The following SEMA3A variants were observed in gnomAD, a reference collection of about 807,000 sequenced individuals.
SEMA3A encodes semaphorin 3A.
A neutral mutation model predicts 97.9 loss-of-function variants in SEMA3A; 29 were observed. That is an observed-to-expected ratio of 0.30 (90% confidence interval 0.22 to 0.40). SEMA3A has a LOEUF of 0.40. Among genes scored for constraint, SEMA3A ranks in the 10% least tolerant of loss-of-function variants. SEMA3A has a pLI of 1.00. For missense variants in SEMA3A, 763 were observed against 951.3 expected, an observed-to-expected ratio of 0.80 and a Z score of 2.60; for synonymous variants, 321 against 323.7, an observed-to-expected ratio of 0.99 and a Z score of 0.09.
rs541239076 is a variant in SEMA3A, at chr7:84,239,910, T to C, written c.-82-45242A>G. On this transcript the variant is annotated intron_variant, in intron 3 of 3. Transcript: ENST00000424555. ...GTCCCAAATAAATATTAAGTTGTGATGCAGTATGGTAGATTAATATTTTCT... is the reference window on the plus strand; with the variant it reads ...GTCCCAAATAAATATTAAGTTGTGACGCAGTATGGTAGATTAATATTTTCT... 1.2e-4 allele frequency among the ~76,000 whole-genome samples: 19 copies of C among 152,258 alleles called. No homozygotes were observed. The South Asian group carries it at 3.7e-3, about 30-fold the overall frequency.
At chr7:84,185,536 A>G (rs1045007929) in intron 1 of SEMA3A, among the ~76,000 whole-genome samples, 1 of 147,596 alleles carries the variant, frequency 6.8e-6, no homozygotes, top group Non-Finnish European at 1.5e-5. Flanking sequence ...TAAAAAAAAT[A>G]AAAAATTAGC....
intron 11 of SEMA3A, 73 bp from the exon 12 acceptor site, chr7:84,002,119 A>G: frequency 1.2e-6 from 1 of 850,084 alleles, no homozygotes; most frequent in South Asian, 1.6e-5. Flanking sequence ...TGAATGAAAT[A>G]TGTATTTGTC....
At chr7:84,215,433 C>G (rs910311950) in intron 3 of SEMA3A, among the ~76,000 whole-genome samples, 11 of 14,428 alleles carry the variant, frequency 7.6e-4, no homozygotes, top group African/African-American at 2.0e-3. Flanking sequence ...GATGATCCGC[C>G]CCCCCCTTGG....
At chr7:84,311,445 T>A (rs1486564984) in intron 2 of SEMA3A, among the ~76,000 whole-genome samples, 3 of 151,962 alleles carry the variant, frequency 2.0e-5, no homozygotes, top group Non-Finnish European at 1.5e-5. Context: ...TAGTATGTGA[T>A]GAGTATAATG....
At chr7:84,468,482 C>CT (rs973966646) in intron 1 of SEMA3A, among the ~76,000 whole-genome samples, 5 of 151,986 alleles carry the variant, frequency 3.3e-5, no homozygotes, top group East Asian at 1.9e-4. Flanking sequence ...AAGTTTTGAT[C>CT]TTTTTTTTAA....
intron 2 of SEMA3A, among the ~76,000 whole-genome samples, chr7:84,313,305 T>A (rs1801392762): frequency 7.2e-6 from 1 of 139,662 alleles, no homozygotes; most frequent in Non-Finnish European, 1.5e-5. Flanking sequence ...TATATATATG[T>A]ATTATATACG....
intron 4 of SEMA3A, among the ~76,000 whole-genome samples, chr7:84,069,679 T>G (rs1356241582): frequency 6.6e-6 from 1 of 152,072 alleles, no homozygotes; most frequent in African/African-American, 2.4e-5. Context: ...AAAAGGAATA[T>G]AACTGCCGAT....
At chr7:84,067,087 G>C (rs1166367493) in intron 4 of SEMA3A, among the ~76,000 whole-genome samples, 1 of 152,126 alleles carries the variant, frequency 6.6e-6, no homozygotes, top group Non-Finnish European at 1.5e-5. Flanking sequence ...TAGATCAACG[G>C]AAGAGAACAG....
In SEMA3A at chr7:84,254,747, A is replaced by C. The variant is rs372005614; in HGVS notation, c.-83+52460T>G. Among the ~76,000 whole-genome samples the C allele has an allele frequency of 5.9e-5, 9 of 152,306 alleles. 1 individual carries two copies. Among genetic ancestry groups the C allele is most frequent in the Admixed American group, 1.3e-4 (2 of 15,294 alleles). On this transcript the variant is annotated intron_variant, in intron 3 of 3. Transcript: ENST00000424555. The stretch of plus-strand genomic sequence containing the variant: ...ACCCAGTCAAGATATGGAATTACCT[A>C]TAACCCTTGCTTTGTACACCTAATC...
intron 7 of SEMA3A, among the ~76,000 whole-genome samples, chr7:84,013,684 T>TA (rs1790979190): frequency 6.6e-6 from 1 of 152,024 alleles, no homozygotes; most frequent in Admixed American, 6.6e-5. Context: ...CCGTCTCTAC[T>TA]AAAAATACAA....
chr7:84,056,756 T>C (rs1792998554), intron 5 of SEMA3A, among the ~76,000 whole-genome samples: 1 of 152,188 alleles, frequency 6.6e-6, no homozygotes, highest in African/African-American at 2.4e-5. Flanking sequence ...TGTTGTTCTT[T>C]TAAAATTAAA....
intron 4 of SEMA3A, among the ~76,000 whole-genome samples, chr7:84,086,429 T>C (rs189295661): frequency 1.0e-3 from 147 of 144,190 alleles, no homozygotes; most frequent in Admixed American, 8.3e-3. Context: ...ATATTTCATA[T>C]TATATTTATA....
At position 84,229,860 on chromosome 7, in the gene SEMA3A, G is replaced by A. The variant is rs185431051; in HGVS notation, c.-82-35192C>T. 4.9e-4 allele frequency among the ~76,000 whole-genome samples: 75 copies of A among 151,906 alleles called. 1 individual carries two copies. The highest frequency in any genetic ancestry group is 1.8e-3 in the African/African-American group (73 of 41,488). On this transcript the variant is annotated intron_variant, in intron 3 of 3. Coordinates refer to the SEMA3A transcript ENST00000424555. ...TATGGAAAGAAAAATAAAAACAATT[G>A]TAGTAAAGAACAACTTCCTTGTCCT...
chr7:84,343,002 A>G (rs1459593184), intron 2 of SEMA3A, among the ~76,000 whole-genome samples: 1 of 152,222 alleles, frequency 6.6e-6, no homozygotes, highest in Admixed American at 6.5e-5. Flanking sequence ...ATGAGCATTT[A>G]CCAAGTATGC....
chr7:84,412,576 A>G (rs1804298743), intron 1 of SEMA3A, among the ~76,000 whole-genome samples: 1 of 152,168 alleles, frequency 6.6e-6, no homozygotes, highest in African/African-American at 2.4e-5. Context: ...GGCAAATAAA[A>G]CAAGAGCTAG....
At chr7:84,478,117 G>C (rs1806348977) in intron 1 of SEMA3A, among the ~76,000 whole-genome samples, 1 of 152,164 alleles carries the variant, frequency 6.6e-6, no homozygotes, top group African/African-American at 2.4e-5. Flanking sequence ...TGGTAAGAGA[G>C]ACCCTCCCCT....
intron 4 of SEMA3A, among the ~76,000 whole-genome samples, chr7:84,072,558 ATTTTTGAGACTTTGC>A (rs1291033835): frequency 3.3e-5 from 5 of 152,096 alleles, no homozygotes; most frequent in Admixed American, 3.3e-4. Context: ...CCTTGTATTT[ATTTTTGAGACTTTGC>A]TAATTTATGT....
At chr7:84,304,988 G>C (rs1381717224) in intron 3 of SEMA3A, among the ~76,000 whole-genome samples, 1 of 151,720 alleles carries the variant, frequency 6.6e-6, no homozygotes, top group Admixed American at 6.6e-5. Context: ...TCTAAAATTT[G>C]TTTAGAATCA....
chr7:84,148,305 T>C (rs1425949635), intron 1 of SEMA3A, among the ~76,000 whole-genome samples: 1 of 152,110 alleles, frequency 6.6e-6, no homozygotes, highest in African/African-American at 2.4e-5. Context: ...CCTGCACCTT[T>C]ATCTAGAATA....
Sources: gnomAD v4.1 joint callset for allele counts (sites outside exome capture counted in the v4.1 genomes callset) on GRCh38, gnomAD v4.1.1 for gene constraint, MANE v1.5 for transcripts, NCBI Gene and HGNC (gene_info 2026-07-23, HGNC 2026-07-21) for gene names.